MMS19: variants seen among roughly 807,000 people sequenced by gnomAD.
MMS19 encodes the protein MMS19 nucleotide excision repair protein homolog.
In MMS19, 77 loss-of-function variants were observed where a neutral mutation model predicts 129.8. The ratio of observed to expected loss-of-function variants is 0.59; its 90% CI spans 0.49 to 0.72. The LOEUF (loss-of-function observed/expected upper bound fraction) is 0.72, where lower values mean the gene tolerates loss of function less well. Among genes scored for constraint, MMS19 ranks in the 30% least tolerant of loss-of-function variants. The pLI is 0.00. For missense variants in MMS19, 1,168 were observed against 1,266.3 expected (o/e 0.92, Z 1.18); for synonymous variants, 491 against 502.8 (o/e 0.98, Z 0.31).
At chr10:97,473,383 G>T (rs767513136) in intron 8 of MMS19, among the ~76,000 whole-genome samples, 7 of 152,004 alleles carry the variant, frequency 4.6e-5, no homozygotes, top group Non-Finnish European at 8.8e-5. Context: ...AAAAATGAGA[G>T]ACAAGATTGA....
At chr10:97,461,682 TAC>T in intron 22 of MMS19, 60 bp from the exon 23 acceptor site, 1 of 1,574,012 alleles carries the variant, frequency 6.4e-7, no homozygotes, top group African/African-American at 1.4e-5. Flanking sequence ...AGAGAACCAG[TAC>T]ATAGTGGCAG....
rs986986038 is a variant in MMS19, at chr10:97,466,177, A to T, written c.1506-18T>A. 7 of 1,550,290 alleles carry T rather than the reference A, an allele frequency of 4.5e-6. No homozygotes were observed. The highest frequency in any genetic ancestry group is 1.7e-4 in the Middle Eastern group (1 of 5,898). On this transcript the variant is annotated intron_variant, in intron 16 of 30. Coordinates refer to ENST00000438925, the MANE Select transcript of MMS19 (RefSeq NM_022362.5). ...CCACCCTGCTGGAGGCGCAGAGCAG[A>T]TAAGCATTGGCTGAGCCTGGGCTCA...
intron 23 of MMS19, 81 bp downstream of exon 23, chr10:97,461,415 A>G (rs2031870026): frequency 6.7e-7 from 1 of 1,499,618 alleles, no homozygotes; most frequent in Non-Finnish European, 9.1e-7. Context: ...AGCTCCTTTT[A>G]AAAAGAGAAT....
intron 1 of MMS19, among the ~76,000 whole-genome samples, chr10:97,490,803 C>T (rs912130745): frequency 1.3e-5 from 2 of 152,212 alleles, no homozygotes; most frequent in Non-Finnish European, 2.9e-5. Flanking sequence ...TAGCTCGTGA[C>T]TGGCACCAAT....
At chr10:97,470,062 C>A in intron 10 of MMS19, 67 bp downstream of exon 10, 1 of 1,096,230 alleles carries the variant, frequency 9.1e-7, no homozygotes, top group South Asian at 1.3e-5. Context: ...ATCCTAGAAT[C>A]TATATCCTTT....
intron 14 of MMS19, 57 bp from the exon 15 acceptor site, chr10:97,466,958 C>G (rs2033629208): frequency 1.2e-6 from 2 of 1,606,782 alleles, no homozygotes; most frequent in Admixed American, 3.4e-5. Flanking sequence ...ATATCCCTGA[C>G]TAAGCTGTGA....
chr10:97,489,625 C>T (rs978046034), intron 1 of MMS19, among the ~76,000 whole-genome samples: 5 of 152,186 alleles, frequency 3.3e-5, no homozygotes, highest in African/African-American at 7.2e-5. Context: ...TCCACTAATG[C>T]CAAATTTCTG....
At chr10:97,477,519 T>C (rs1352198394) in intron 5 of MMS19, 103 bp from the exon 6 acceptor site, 1 of 1,471,766 alleles carries the variant, frequency 6.8e-7, no homozygotes, top group Non-Finnish European at 9.4e-7. Flanking sequence ...GTGCTCTTTA[T>C]ACCAGCATAA....
intron 16 of MMS19, 47 bp downstream of exon 16, chr10:97,466,457 C>G (rs1397401485): frequency 7.0e-7 from 1 of 1,435,608 alleles, no homozygotes; most frequent in South Asian, 1.1e-5. Flanking sequence ...GCTGCCAATA[C>G]AGAGGCAGGG....
intron 25 of MMS19, among the ~76,000 whole-genome samples, 179 bp downstream of exon 25, chr10:97,460,516 G>A (rs569824927): frequency 8.5e-5 from 13 of 152,280 alleles, no homozygotes; most frequent in Non-Finnish European, 1.8e-4. Flanking sequence ...AGGCTGGAGT[G>A]AGCTGTGATT....
At chr10:97,480,011 T>C (rs1169653874) in intron 3 of MMS19, among the ~76,000 whole-genome samples, 1 of 152,216 alleles carries the variant, frequency 6.6e-6, no homozygotes, top group Admixed American at 6.5e-5. Flanking sequence ...CACCCAAATA[T>C]GGCGATTCCC....
chr10:97,480,977 A>G lies in MMS19; in HGVS notation c.227T>C (p.Leu76Pro). 1 of 1,610,082 alleles carries G rather than the reference A, an allele frequency of 6.2e-7. No individual in the cohort carries two copies. Among genetic ancestry groups the G allele is most frequent in the Non-Finnish European group, 8.5e-7 (1 of 1,177,876 alleles). ...ARAIQLLSQVLLHCHTLLLEK... is the reference protein window; with the variant it reads ...ARAIQLLSQVPLHCHTLLLEK... ...CAGGAGCAAGGTGTGACAGTGGAGT[A>G]GCACCTGTGACAAAAGCTGGATTGC... is the stretch of plus-strand genomic sequence containing the variant. Residue 76 changes from leucine (L) to proline (P), a missense_variant, in exon 3 of 31, where the codon CTA becomes CCA. Leu to Pro is a moderately conservative substitution (Grantham distance 98). This residue lies in a region of MMS19 where 329 missense variants were observed against 328.6 expected (regional missense o/e 1.00). Transcript: ENST00000438925.
intron 1 of MMS19, among the ~76,000 whole-genome samples, chr10:97,490,190 C>A (rs1017783941): frequency 6.6e-6 from 1 of 152,042 alleles, no homozygotes; most frequent in African/African-American, 2.4e-5. Flanking sequence ...GTGATCCTCT[C>A]ACCTCAGCCT....
chr10:97,470,854 T>A lies in MMS19; in HGVS notation c.692A>T (p.Asn231Ile). 6.2e-7 allele frequency: 1 copy of A among 1,613,602 alleles called. No homozygotes were observed. Among genetic ancestry groups the A allele is most frequent in the Non-Finnish European group, 8.5e-7 (1 of 1,179,676 alleles). Residue 231 changes from asparagine (N) to isoleucine (I), a missense_variant, in exon 9 of 31, where the codon AAT (asparagine) becomes ATT (isoleucine). By Grantham distance (149) the Asn-to-Ile change is moderately radical. Coordinates refer to ENST00000438925, the MANE Select transcript of MMS19 (RefSeq NM_022362.5). ...YFPIDFTPPP[N>I]DPHGIQREDL... ...TTCTCTCTGGATACCATGGGGATCA[T>A]TAGGTGGCTGGAAAAGGGAGAAGGG...
chr10:97,464,751 G>T (rs1007360393), intron 18 of MMS19, among the ~76,000 whole-genome samples: 2 of 151,118 alleles, frequency 1.3e-5, no homozygotes, highest in Non-Finnish European at 2.9e-5. Context: ...AGGCTGGAGT[G>T]CAATGGAGCG....
Position 97,470,193 on chromosome 10 carries a change from G to C in MMS19, c.782C>G (p.Pro261Arg). 3.1e-6 allele frequency: 5 copies of C among 1,606,294 alleles called. No individual in the cohort carries two copies. The highest frequency in any genetic ancestry group is 4.3e-6 in the Non-Finnish European group (5 of 1,176,168). ...AGAATCCACTTTCTCAATCAACAGG[G>C]GCAGCAGAAACTGTGGGACAGAAGG... ...STPRFAEFLL[P>R]LLIEKVDSEV... Residue 261 changes from proline to arginine, a missense_variant, in exon 10 of 31, where the codon CCC (proline) becomes CGC (arginine). Physicochemically the swap from Pro to Arg is moderately radical, Grantham distance 103 (BLOSUM62 -2). This residue lies in a region of MMS19 where 329 missense variants were observed against 328.6 expected (regional missense o/e 1.00). Coordinates refer to ENST00000438925, the MANE Select transcript of MMS19 (RefSeq NM_022362.5).
At chr10:97,462,148 G>A in intron 20 of MMS19, 29 bp from the exon 21 acceptor site, 1 of 1,505,416 alleles carries the variant, frequency 6.6e-7, no homozygotes, top group Non-Finnish European at 9.1e-7. Flanking sequence ...GTATGACCAA[G>A]GAGCTAGGAT....
Position 97,468,301 on chromosome 10 carries a change from G to A in MMS19, c.1169C>T (p.Thr390Ile), listed in dbSNP as rs971867001. The A allele has an allele frequency of 3.7e-6, 6 of 1,611,132 alleles. No individual in the cohort carries two copies. The highest frequency in any genetic ancestry group is 5.1e-6 in the Non-Finnish European group (6 of 1,178,294). The change falls in exon 13 of 31, where the codon ACC becomes ATC. Residue 390 changes from threonine to isoleucine, a missense_variant. Around this residue, in one of 3 missense-constraint regions of MMS19, gnomAD observed 831 missense variants for 910.8 expected, o/e 0.91. Coordinates refer to ENST00000438925, the MANE Select transcript of MMS19 (RefSeq NM_022362.5). ...GASARACDSVTSNVLPLLLEQ... is the reference protein window; with the variant it reads ...GASARACDSVISNVLPLLLEQ... ...CAGCAGTAAAGGCAGTACATTGCTGGTGACAGAGTCACAGGCCCGGGCAGA... is the reference window on the plus strand; with the variant it reads ...CAGCAGTAAAGGCAGTACATTGCTGATGACAGAGTCACAGGCCCGGGCAGA...
At position 97,490,226 on chromosome 10, in the gene MMS19, G is replaced by A. The variant is rs143383747; in HGVS notation, c.113-6075C>T. On this transcript the variant is annotated intron_variant, in intron 1 of 30. Coordinates refer to ENST00000438925, the MANE Select transcript of MMS19 (RefSeq NM_022362.5). ...CCCGAGTAGCTGGGACTACAGGCATGCACCACCATGCCCGCCTAATTTTTG... is the reference window on the plus strand; with the variant it reads ...CCCGAGTAGCTGGGACTACAGGCATACACCACCATGCCCGCCTAATTTTTG... Among the ~76,000 whole-genome samples, 371 of 152,124 alleles carry A rather than the reference G, an allele frequency of 2.4e-3. 1 individual carries two copies. The Middle Eastern group carries it at 0.054, about 22-fold the overall frequency.
Sources: gnomAD v4.1 joint callset for allele counts (sites outside exome capture counted in the v4.1 genomes callset) on GRCh38, gnomAD v4.1.1 for gene constraint, gnomAD v4.1.1 regional missense constraint, MANE v1.5 for transcripts, NCBI Gene and HGNC (gene_info 2026-07-23, HGNC 2026-07-21) for gene names.